The following MAGI3 variants were observed in gnomAD, a reference collection of about 807,000 sequenced individuals.
MAGI3 encodes the protein membrane associated guanylate kinase, WW and PDZ domain containing 3.
MAGI3 carries 43 observed loss-of-function variants against 121.8 expected under a neutral mutation model. That is an observed-to-expected ratio of 0.35 (90% CI 0.28 to 0.46). The LOEUF is 0.46. MAGI3 is among the 20% of genes least tolerant of loss of function. MAGI3 has a pLI of 1.00. For synonymous variants in MAGI3, 553 were observed against 639.3 expected (o/e 0.86, Z 2.04); for missense variants, 1,547 against 1,797.3 (o/e 0.86, Z 2.52).
At chr1:113,432,852 G>T (rs1372031830) in intron 1 of MAGI3, among the ~76,000 whole-genome samples, 2 of 151,978 alleles carry the variant, frequency 1.3e-5, no homozygotes, top group Non-Finnish European at 2.9e-5. Context: ...AGTTTCTGTT[G>T]CTCCACATCC....
chr1:113,560,325 G>C (rs1323743393), intron 2 of MAGI3, among the ~76,000 whole-genome samples: 1 of 151,906 alleles, frequency 6.6e-6, no homozygotes, highest in African/African-American at 2.4e-5. Context: ...GCAGTGAGCT[G>C]AGATTGTGCC....
chr1:113,437,862 T>C (rs56368547), intron 1 of MAGI3, among the ~76,000 whole-genome samples: 659 of 46,702 alleles, frequency 0.014, 31 homozygotes, highest in East Asian at 0.027. Flanking sequence ...TTCTTCTTCT[T>C]CCTCTTCTTC....
At chr1:113,477,044 C>A (rs1325433525) in intron 1 of MAGI3, among the ~76,000 whole-genome samples, 1 of 148,246 alleles carries the variant, frequency 6.7e-6, no homozygotes, top group African/African-American at 2.4e-5. Flanking sequence ...TAGGGTTGCA[C>A]CCCTGCTTTT....
Position 113,642,131 on chromosome 1 carries a change from T to G in MAGI3, c.1581T>G (p.Asn527Lys). ...TAACCAAGGGAGAGACTTGCATGAA[T>G]CCTCAGGATTTTAAGCCAGGAGCAA... ...QSLTKGETCMNPQDFKPGAMV... is the reference protein window; with the variant it reads ...QSLTKGETCMKPQDFKPGAMV... Residue 527 changes from asparagine (N) to lysine (K), a missense_variant, in exon 10 of 21, where the codon AAT becomes AAG. By Grantham distance (94) the Asn-to-Lys change is moderately conservative (BLOSUM62 0). Coordinates refer to ENST00000307546, the MANE Select transcript of MAGI3 (RefSeq NM_001142782.2). 6.2e-7 allele frequency: 1 copy of G among 1,614,144 alleles called. No homozygotes were observed. The highest frequency in any genetic ancestry group is 8.5e-7 in the Non-Finnish European group (1 of 1,180,030).
chr1:113,419,918 G>A (rs531455292), intron 1 of MAGI3, among the ~76,000 whole-genome samples: 38 of 152,228 alleles, frequency 2.5e-4, no homozygotes, highest in African/African-American at 8.4e-4. Context: ...TCTTCAGAGC[G>A]TTATCAGTCT....
At position 113,580,561 on chromosome 1, in the gene MAGI3, G is replaced by C; in HGVS notation, c.453G>C (p.Arg151Ser). ...TCTTAGGCACTACAAGGGCCCCCAG[G>C]GATGGAGAAGTACCAGGAGTGGATT... is the stretch of plus-strand genomic sequence containing the variant. ...RTIPCTTRAPRDGEVPGVDYN... is the reference protein window; with the variant it reads ...RTIPCTTRAPSDGEVPGVDYN... The change falls in exon 3 of 21, where the codon AGG (arginine) becomes AGC (serine). Residue 151 changes from arginine (R) to serine (S), a missense_variant. Transcript: ENST00000307546. 6.2e-7 allele frequency: 1 copy of C among 1,610,572 alleles called. No homozygotes were observed. Among genetic ancestry groups the C allele is most frequent in the African/African-American group, 1.3e-5 (1 of 74,780 alleles).
chr1:113,625,746 G>A (rs1651199804), intron 9 of MAGI3, among the ~76,000 whole-genome samples: 1 of 152,158 alleles, frequency 6.6e-6, no homozygotes, highest in African/African-American at 2.4e-5. Flanking sequence ...TAACAGTGGT[G>A]AAAGTGGGCA....
At chr1:113,432,284 C>T (rs1653338594) in intron 1 of MAGI3, among the ~76,000 whole-genome samples, 2 of 152,118 alleles carry the variant, frequency 1.3e-5, no homozygotes, top group South Asian at 2.1e-4. Context: ...TATACATTTA[C>T]TCTTTTTATC....
At chr1:113,540,815 A>G (rs1244142613) in intron 1 of MAGI3, among the ~76,000 whole-genome samples, 1 of 152,232 alleles carries the variant, frequency 6.6e-6, no homozygotes, top group Non-Finnish European at 1.5e-5. Context: ...TTTTTAAGCA[A>G]ATAAAAATCA....
intron 1 of MAGI3, among the ~76,000 whole-genome samples, chr1:113,414,241 G>A (rs1570637788): frequency 6.6e-6 from 1 of 152,110 alleles, no homozygotes; most frequent in Non-Finnish European, 1.5e-5. Flanking sequence ...GTTGATTGTG[G>A]TGCATAAGCT....
At chr1:113,680,147 A>G (rs1648126483) in intron 19 of MAGI3, among the ~76,000 whole-genome samples, 2 of 152,242 alleles carry the variant, frequency 1.3e-5, no homozygotes, top group South Asian at 2.1e-4. Context: ...TACCTCATGT[A>G]TGTACAGGAC....
Position 113,612,438 on chromosome 1 carries a change from G to A in MAGI3, c.1019-2163G>A, listed in dbSNP as rs147125157. Among the ~76,000 whole-genome samples the A allele has an allele frequency of 8.1e-3, 1,213 of 150,532 alleles. 10 individuals are homozygous for A. Among genetic ancestry groups the A allele is most frequent in the Middle Eastern group, 0.017 (5 of 288 alleles). On this transcript the variant is annotated intron_variant, in intron 6 of 20. Coordinates refer to ENST00000307546, the MANE Select transcript of MAGI3 (RefSeq NM_001142782.2). ...TTTCTAATTTTTATTTCTGCATAAG[G>A]ATGATGGGGAGAGGAGGATGAGAAG...
At chr1:113,635,398 C>A (rs371170789) in intron 9 of MAGI3, among the ~76,000 whole-genome samples, 1 of 151,074 alleles carries the variant, frequency 6.6e-6, no homozygotes, top group Non-Finnish European at 1.5e-5. Flanking sequence ...GAGATACGTC[C>A]CATCAATACC....
At chr1:113,508,733 A>G (rs558582378) in intron 1 of MAGI3, among the ~76,000 whole-genome samples, 23 of 152,274 alleles carry the variant, frequency 1.5e-4, no homozygotes, top group African/African-American at 5.1e-4. Flanking sequence ...GTATTCCCTA[A>G]TGAAAGAATG....
chr1:113,590,053 C>T (rs1218358523), intron 4 of MAGI3, among the ~76,000 whole-genome samples: 1 of 152,010 alleles, frequency 6.6e-6, no homozygotes, highest in African/African-American at 2.4e-5. Flanking sequence ...TTAACTTAAC[C>T]TCTCTGTGCC....
chr1:113,609,535 T>G (rs906717732), intron 6 of MAGI3, among the ~76,000 whole-genome samples: 1 of 152,208 alleles, frequency 6.6e-6, no homozygotes, highest in Non-Finnish European at 1.5e-5. Flanking sequence ...AGGAATTCGT[T>G]TTACCCTCAA....
At chr1:113,623,173 G>T (rs1177143903) in intron 9 of MAGI3, among the ~76,000 whole-genome samples, 179 bp downstream of exon 9, 1 of 151,434 alleles carries the variant, frequency 6.6e-6, no homozygotes, top group Non-Finnish European at 1.5e-5. Context: ...TATACAGTAG[G>T]TATATATATT....
chr1:113,392,393 A>G (rs1213891593), intron 1 of MAGI3, among the ~76,000 whole-genome samples: 1 of 152,240 alleles, frequency 6.6e-6, no homozygotes. Flanking sequence ...TACCTGGGCT[A>G]GGTAGCAGTC....
chr1:113,463,869 T>A (rs1261883815), intron 1 of MAGI3, among the ~76,000 whole-genome samples: 3 of 152,080 alleles, frequency 2.0e-5, no homozygotes, highest in African/African-American at 7.2e-5. Context: ...TCTCCTTTTC[T>A]CTTTTATGGA....
Sources: gnomAD v4.1 joint callset for allele counts (sites outside exome capture counted in the v4.1 genomes callset) on GRCh38, gnomAD v4.1.1 for gene constraint, MANE v1.5 for transcripts, NCBI Gene and HGNC (gene_info 2026-07-23, HGNC 2026-07-21) for gene names.